SEMA5A: variants seen among roughly 807,000 people sequenced by gnomAD.
SEMA5A encodes the protein semaphorin-5A.
A neutral mutation model predicts 135.5 loss-of-function variants in SEMA5A; 55 were observed. That is an observed-to-expected ratio of 0.41 (90% CI 0.33 to 0.51). The LOEUF (loss-of-function observed/expected upper bound fraction) is 0.51, where lower values mean the gene tolerates loss of function less well. Among genes scored for constraint, SEMA5A ranks in the 20% least tolerant of loss-of-function variants. SEMA5A has a pLI of 0.37. For missense variants in SEMA5A, 1,290 were observed against 1,419.9 expected, an observed-to-expected ratio of 0.91 and a Z score of 1.47; for synonymous variants, 580 against 546.5, an observed-to-expected ratio of 1.06 and a Z score of -0.85.
At position 9,154,045 on chromosome 5, in the gene SEMA5A, CA is replaced by C. The variant is rs1157417525; in HGVS notation, c.1481+442del. On this transcript the variant is annotated intron_variant, in intron 12 of 22. Coordinates refer to ENST00000382496, the MANE Select transcript of SEMA5A (RefSeq NM_003966.3). Reference sequence around the variant, plus strand: ...TGGGTGACAGAGTGAGACTGTGTCTCAAAAAAAAAAAAAAAAAATATATATA... The same window carrying C: ...TGGGTGACAGAGTGAGACTGTGTCTCAAAAAAAAAAAAAAAAATATATATA... Among the ~76,000 whole-genome samples the C allele has an allele frequency of 4.7e-3, 161 of 34,182 alleles. 1 individual carries two copies. The highest frequency in any genetic ancestry group is 9.7e-3 in the African/African-American group (77 of 7,952). The allele number at this position is 34,182 out of a possible 152,430, so 22.4% of individuals were successfully genotyped here.
chr5:9,282,329 A>G (rs563223901), intron 5 of SEMA5A, among the ~76,000 whole-genome samples: 1 of 152,356 alleles, frequency 6.6e-6, no homozygotes, highest in African/African-American at 2.4e-5. Flanking sequence ...GAAAGACATG[A>G]GGCCAAAACT....
At chr5:9,048,770 T>G (rs1176085609) in intron 21 of SEMA5A, among the ~76,000 whole-genome samples, 1 of 152,210 alleles carries the variant, frequency 6.6e-6, no homozygotes, top group African/African-American at 2.4e-5. Flanking sequence ...GTCTATAACA[T>G]GTAAAACAGT....
At chr5:9,200,950 C>T (rs142334580) in intron 9 of SEMA5A, among the ~76,000 whole-genome samples, 1 of 152,286 alleles carries the variant, frequency 6.6e-6, no homozygotes, top group East Asian at 1.9e-4. Flanking sequence ...GTCATCAATG[C>T]TAAAACTGGG....
intron 15 of SEMA5A, among the ~76,000 whole-genome samples, chr5:9,110,870 C>A (rs1461169779): frequency 6.6e-6 from 1 of 152,084 alleles, no homozygotes; most frequent in Non-Finnish European, 1.5e-5. Context: ...CTCAGGGCCA[C>A]TGGACATTCC....
At position 9,108,434 on chromosome 5, in the gene SEMA5A, T is replaced by C. The variant is rs949539334; in HGVS notation, c.1926-147A>G. ...TTTTGTATTTTGAGCAGTTGCACCA[T>C]ACAGAAGGCAGATGTGGTGCTGGCC... On this transcript the variant is annotated intron_variant, in intron 15 of 22. Transcript: ENST00000382496. The C allele has an allele frequency of 4.1e-5, 34 of 832,996 alleles. No individual in the cohort carries two copies. In the African/African-American group the frequency reaches 4.1e-4, roughly 10 times the overall value. The allele number at this position is 832,996 out of a possible 1,614,324, so 51.6% of individuals were successfully genotyped here.
At chr5:9,364,542 A>G (rs1754834405) in intron 3 of SEMA5A, among the ~76,000 whole-genome samples, 1 of 152,238 alleles carries the variant, frequency 6.6e-6, no homozygotes, top group South Asian at 2.1e-4. Context: ...AAAAAAGCTT[A>G]AGAGGTTTCA....
At chr5:9,190,070 A>G (rs1447923431) in intron 11 of SEMA5A, among the ~76,000 whole-genome samples, 197 bp downstream of exon 11, 1 of 152,278 alleles carries the variant, frequency 6.6e-6, no homozygotes, top group Non-Finnish European at 1.5e-5. Flanking sequence ...TATGACCAAT[A>G]TAGTGAAAAT....
intron 5 of SEMA5A, among the ~76,000 whole-genome samples, chr5:9,275,908 G>T (rs1561097782): frequency 6.6e-6 from 1 of 151,834 alleles, no homozygotes; most frequent in Non-Finnish European, 1.5e-5. Flanking sequence ...CACAAGACAG[G>T]GATGCCCTCT....
chr5:9,124,807 G>C (rs1316532261), intron 13 of SEMA5A, among the ~76,000 whole-genome samples: 1 of 152,106 alleles, frequency 6.6e-6, no homozygotes, highest in South Asian at 2.1e-4. Flanking sequence ...GAGAAAATCT[G>C]AGCAAGGAAG....
chr5:9,273,483 A>T (rs1381684626), intron 5 of SEMA5A, among the ~76,000 whole-genome samples: 1 of 152,164 alleles, frequency 6.6e-6, no homozygotes, highest in Non-Finnish European at 1.5e-5. Context: ...CAGGAAATAC[A>T]GAGAACACCA....
chr5:9,481,245 C>T (rs1759865397), intron 1 of SEMA5A, among the ~76,000 whole-genome samples: 1 of 152,088 alleles, frequency 6.6e-6, no homozygotes, highest in Non-Finnish European at 1.5e-5. Context: ...CATGCCCGGC[C>T]CAAAACATAG....
At chr5:9,173,289 T>G (rs1283463788) in intron 11 of SEMA5A, among the ~76,000 whole-genome samples, 1 of 151,592 alleles carries the variant, frequency 6.6e-6, no homozygotes, top group East Asian at 1.9e-4. Context: ...GTTTTTTTTT[T>G]TTTTTTTTTT....
chr5:9,317,328 C>A (rs1482905605), intron 5 of SEMA5A, among the ~76,000 whole-genome samples: 3 of 151,938 alleles, frequency 2.0e-5, no homozygotes, highest in Non-Finnish European at 4.4e-5. Context: ...GAACGTCTTA[C>A]TTATTTTTCG....
At chr5:9,216,285 A>T (rs544341976) in intron 8 of SEMA5A, among the ~76,000 whole-genome samples, 1 of 152,142 alleles carries the variant, frequency 6.6e-6, no homozygotes, top group Admixed American at 6.5e-5. Flanking sequence ...CCATGTAGTT[A>T]CATGGTTTTT....
intron 9 of SEMA5A, among the ~76,000 whole-genome samples, chr5:9,200,892 G>A (rs1293722411): frequency 1.3e-5 from 2 of 152,196 alleles, no homozygotes; most frequent in African/African-American, 2.4e-5. Context: ...AGGGTGACCA[G>A]TTGTCCTGGT....
chr5:9,136,690 G>T, intron 12 of SEMA5A, 69 bp from the exon 13 acceptor site: 4 of 1,258,302 alleles, frequency 3.2e-6, no homozygotes, highest in South Asian at 1.2e-5. Context: ...AAGACAAGGC[G>T]AACCTGTCCC....
At chr5:9,146,530 A>C (rs182010700) in intron 12 of SEMA5A, among the ~76,000 whole-genome samples, 1 of 152,226 alleles carries the variant, frequency 6.6e-6, no homozygotes, top group African/African-American at 2.4e-5. Flanking sequence ...GCTTTAAAAA[A>C]TAATTGGAGA....
At chr5:9,449,263 T>C (rs1758546946) in intron 1 of SEMA5A, among the ~76,000 whole-genome samples, 1 of 152,220 alleles carries the variant, frequency 6.6e-6, no homozygotes, top group African/African-American at 2.4e-5. Context: ...TCATGTCCTC[T>C]GCAGGGACAT....
At chr5:9,321,431 C>T (rs1282174418) in intron 4 of SEMA5A, among the ~76,000 whole-genome samples, 5 of 152,128 alleles carry the variant, frequency 3.3e-5, no homozygotes, top group African/African-American at 1.2e-4. Flanking sequence ...AGGAGGCTGC[C>T]CCTCTGCTAT....
Sources: gnomAD v4.1 joint callset for allele counts (sites outside exome capture counted in the v4.1 genomes callset) on GRCh38, gnomAD v4.1.1 for gene constraint, MANE v1.5 for transcripts, NCBI Gene and HGNC (gene_info 2026-07-23, HGNC 2026-07-21) for gene names.